Variants in ELAC1 observed in about 807,000 individuals in gnomAD.
ELAC1 encodes elaC ribonuclease Z 1.
In ELAC1, 19 loss-of-function variants were observed where a neutral mutation model predicts 25.8. The ratio of observed to expected loss-of-function variants is 0.74; its 90% CI spans 0.51 to 1.08. The LOEUF (loss-of-function observed/expected upper bound fraction) is 1.08, where lower values mean the gene tolerates loss of function less well. Ranked by LOEUF, ELAC1 falls within the 50% of genes least tolerant of loss-of-function variation. The probability of loss-of-function intolerance (pLI) is 0.00; values close to 1 mark genes in which losing one functional copy is unlikely to be tolerated. For missense variants in ELAC1, 403 were observed against 434.6 expected (o/e 0.93, Z 0.65); for synonymous variants, 148 against 160.9 (o/e 0.92, Z 0.61).
intron 1 of ELAC1, among the ~76,000 whole-genome samples, chr18:50,971,845 T>C (rs1907660617): frequency 6.7e-6 from 1 of 148,552 alleles, no homozygotes; most frequent in Admixed American, 6.7e-5. Flanking sequence ...GTGATTCATA[T>C]ATATACATAT....
chr18:50,970,880 C>T (rs1907633652), intron 1 of ELAC1, among the ~76,000 whole-genome samples: 1 of 152,026 alleles, frequency 6.6e-6, no homozygotes, highest in African/African-American at 2.4e-5. Flanking sequence ...TCTCCCACAT[C>T]AGACTTTCTC....
Position 50,986,607 on chromosome 18 carries a change from C to T in ELAC1, c.626-12C>T. ...ATTCCTATGATGTAATGTTATCTGC[C>T]TTCATCATTAGGTGTTCCACCAGGT... On this transcript the variant is annotated splice_polypyrimidine_tract_variant and intron_variant, in intron 3 of 3. Coordinates refer to ENST00000269466, the MANE Select transcript of ELAC1 (RefSeq NM_018696.3). The T allele has an allele frequency of 6.3e-7, 1 of 1,576,032 alleles. No homozygotes were observed. The highest frequency in any genetic ancestry group is 8.7e-7 in the Non-Finnish European group (1 of 1,153,788).
In ELAC1 at chr18:50,986,840, A is replaced by T; in HGVS notation, c.847A>T (p.Met283Leu). The T allele has an allele frequency of 6.2e-7, 1 of 1,614,210 alleles. No homozygotes were observed. Among genetic ancestry groups the T allele is most frequent in the Non-Finnish European group, 8.5e-7 (1 of 1,180,038 alleles). ...IHEATLDDAQ[M>L]DKAKEHGHST... ...CGAAGCAACCCTGGATGATGCCCAG[A>T]TGGACAAAGCAAAGGAGCATGGCCA... is the stretch of plus-strand genomic sequence containing the variant. Residue 283 changes from methionine (M) to leucine (L), a missense_variant, in exon 4 of 4, where the codon ATG (methionine) becomes TTG (leucine). Coordinates refer to ENST00000269466, the MANE Select transcript of ELAC1 (RefSeq NM_018696.3).
At chr18:50,984,033 G>C in intron 2 of ELAC1, 63 bp from the exon 3 acceptor site, 1 of 1,084,354 alleles carries the variant, frequency 9.2e-7, no homozygotes, top group South Asian at 1.7e-5. Context: ...GTTTCAAATA[G>C]CTTTGTATGG....
Position 50,987,370 on chromosome 18 carries a change from C to A in ELAC1, c.*285C>A. On this transcript the variant is annotated 3_prime_UTR_variant, in exon 4 of 4. Coordinates refer to ENST00000269466, the MANE Select transcript of ELAC1 (RefSeq NM_018696.3). ...TATTTTGTGCTACTACCACAGATAG[C>A]CAATATTCCATGCAGTCCTGGGCTT... The A allele has an allele frequency of 3.8e-6, 1 of 262,260 alleles. No homozygotes were observed. Among genetic ancestry groups the A allele is most frequent in the Non-Finnish European group, 7.2e-6 (1 of 139,722 alleles). 16.2% of individuals were successfully genotyped at this position (262,260 alleles called of 1,614,324 possible). A position where few individuals can be genotyped will look rare whatever the true frequency, so the allele number is the denominator to read the frequency against.
At chr18:50,983,392 C>T (rs1296978152) in intron 2 of ELAC1, among the ~76,000 whole-genome samples, 4 of 151,694 alleles carry the variant, frequency 2.6e-5, no homozygotes, top group Non-Finnish European at 5.9e-5. Flanking sequence ...CTCGAACTCC[C>T]GACCTCAGGT....
chr18:50,976,023 T>A (rs536442657), intron 2 of ELAC1, among the ~76,000 whole-genome samples: 1 of 152,080 alleles, frequency 6.6e-6, no homozygotes, highest in Non-Finnish European at 1.5e-5. Flanking sequence ...AACTGGCATG[T>A]TGGGGAGCAT....
intron 2 of ELAC1, 70 bp downstream of exon 2, chr18:50,974,631 G>A (rs1033640258): frequency 2.0e-6 from 3 of 1,490,972 alleles, no homozygotes; most frequent in Non-Finnish European, 2.8e-6. Context: ...GCTCTCCTTG[G>A]ACATTTTGTT....
chr18:50,971,568 A>T (rs1307339600), intron 1 of ELAC1, among the ~76,000 whole-genome samples: 4 of 151,386 alleles, frequency 2.6e-5, no homozygotes, highest in Non-Finnish European at 1.5e-5. Flanking sequence ...TTGTTTTTTA[A>T]TTTTTTTGTA....
At position 50,987,083 on chromosome 18, in the gene ELAC1, T is replaced by C. The variant is rs751812407; in HGVS notation, c.1090T>C (p.Ter364ArgextTer5). ...GGTGATAAGCATTCCAATCAAGAAA[T>C]GAAACCAGTGTTCCTGAGTGCACAC... Reference protein sequence around the residue: ...FMVISIPIKK* With the variant: ...FMVISIPIKKR Residue 364 changes from the stop codon to arginine, a stop_lost, in exon 4 of 4, where the codon TGA (stop) becomes CGA (arginine). Transcript: ENST00000269466. 1 of 1,531,964 alleles carries C rather than the reference T, an allele frequency of 6.5e-7. No individual in the cohort carries two copies. Among genetic ancestry groups the C allele is most frequent in the Admixed American group, 2.1e-5 (1 of 48,056 alleles). The allele number at this position is 1,531,964 out of a possible 1,614,324, so 94.9% of individuals were successfully genotyped here. A position where few individuals can be genotyped will look rare whatever the true frequency, so the allele number is the denominator to read the frequency against.
At chr18:50,971,482 G>C (rs920989258) in intron 1 of ELAC1, among the ~76,000 whole-genome samples, 5 of 152,180 alleles carry the variant, frequency 3.3e-5, no homozygotes, top group Admixed American at 1.3e-4. Context: ...TAACCTTCCA[G>C]GTTCCAATGA....
intron 2 of ELAC1, among the ~76,000 whole-genome samples, chr18:50,980,437 C>A (rs767349444): frequency 6.6e-6 from 1 of 151,792 alleles, no homozygotes; most frequent in Non-Finnish European, 1.5e-5. Flanking sequence ...CCCAAAGGAA[C>A]CTTTAGTTTA....
chr18:50,980,763 G>GAAAAAAAA (rs761954317), intron 2 of ELAC1, among the ~76,000 whole-genome samples: 1 of 67,840 alleles, frequency 1.5e-5, no homozygotes, highest in Non-Finnish European at 3.3e-5. Flanking sequence ...ACTCCATCTC[G>GAAAAAAAA]AAAAAAAAAA....
chr18:50,968,302 A>T (rs1423770626), intron 1 of ELAC1, 188 bp downstream of exon 1: 2 of 151,630 alleles, frequency 1.3e-5, no homozygotes, highest in African/African-American at 2.4e-5. Flanking sequence ...GCCGCCGCCC[A>T]CCCAGCCTTT....
Position 50,986,825 on chromosome 18 carries a change from C to G in ELAC1, c.832C>G (p.Leu278Val). ...EADLLIHEAT[L>V]DDAQMDKAKE... ...AGACCTGTTGATCCACGAAGCAACC[C>G]TGGATGATGCCCAGATGGACAAAGC... Residue 278 changes from leucine to valine, a missense_variant, in exon 4 of 4, where the codon CTG (leucine) becomes GTG (valine). By Grantham distance (32) the Leu-to-Val change is conservative (BLOSUM62 1). Coordinates refer to ENST00000269466, the MANE Select transcript of ELAC1 (RefSeq NM_018696.3). The G allele has an allele frequency of 6.2e-7, 1 of 1,614,146 alleles. No individual in the cohort carries two copies. The highest frequency in any genetic ancestry group is 8.5e-7 in the Non-Finnish European group (1 of 1,180,022).
intron 1 of ELAC1, among the ~76,000 whole-genome samples, chr18:50,972,009 T>A (rs1282714655): frequency 6.7e-6 from 1 of 148,164 alleles, no homozygotes; most frequent in Non-Finnish European, 1.5e-5. Flanking sequence ...AAACTTTTTT[T>A]TTTTAGGAGC....
intron 2 of ELAC1, among the ~76,000 whole-genome samples, chr18:50,982,522 A>G (rs2144321129): frequency 6.6e-6 from 1 of 152,372 alleles, no homozygotes; most frequent in Non-Finnish European, 1.5e-5. Context: ...GCAAAGGACC[A>G]GAAGCCTCTT....
In ELAC1 at chr18:50,984,496, A is replaced by T; in HGVS notation, c.558A>T (p.Ser186=). Residue 186 remains serine (S), a synonymous_variant, in exon 3 of 4, where the codon TCA becomes TCT. Coordinates refer to ENST00000269466, the MANE Select transcript of ELAC1 (RefSeq NM_018696.3). ...TTCGCCTCTTTCACAGAATTCCCTC[A>T]TTTGGGTTTTCAGTCGTGGAAAAGA... ...KAFRLFHRIP[S]FGFSVVEKKR... 1 of 1,602,876 alleles carries T rather than the reference A, an allele frequency of 6.2e-7. No individual in the cohort carries two copies. Among genetic ancestry groups the T allele is most frequent in the South Asian group, 1.1e-5 (1 of 90,824 alleles).
At chr18:50,978,091 A>G (rs1273353516) in intron 2 of ELAC1, among the ~76,000 whole-genome samples, 3 of 152,200 alleles carry the variant, frequency 2.0e-5, no homozygotes, top group South Asian at 2.1e-4. Context: ...GGAAATTCCA[A>G]ACTTTCCCAT....
Sources: gnomAD v4.1 joint callset for allele counts (sites outside exome capture counted in the v4.1 genomes callset) on GRCh38, gnomAD v4.1.1 for gene constraint, MANE v1.5 for transcripts, NCBI Gene and HGNC (gene_info 2026-07-23, HGNC 2026-07-21) for gene names.